Variants in THSD7A observed in about 807,000 individuals in gnomAD.
THSD7A encodes the protein thrombospondin type 1 domain containing 7A, also known as thrombospondin type-1 domain-containing protein 7A.
In THSD7A, 96 loss-of-function variants were observed where a neutral mutation model predicts 231.3. That is an observed-to-expected ratio of 0.41 (90% confidence interval 0.35 to 0.49). The LOEUF is 0.49. Ranked by LOEUF, THSD7A falls within the 20% of genes least tolerant of loss-of-function variation. THSD7A has a pLI of 0.05. For missense variants in THSD7A, 2,290 were observed against 2,070.2 expected (o/e 1.11, Z -2.06); for synonymous variants, 940 against 743.3 (o/e 1.26, Z -4.30).
At chr7:11,616,688 A>G (rs1308401459) in intron 2 of THSD7A, among the ~76,000 whole-genome samples, 6 of 152,006 alleles carry the variant, frequency 3.9e-5, no homozygotes, top group Admixed American at 3.9e-4. Context: ...GCCCTTCCTT[A>G]GCTCTCCCCA....
chr7:11,379,481 G>C, intron 25 of THSD7A, 149 bp downstream of exon 25: 1 of 881,420 alleles, frequency 1.1e-6, no homozygotes, highest in South Asian at 1.8e-5. Context: ...AGTGAAGTCA[G>C]GACTTTTTAG....
intron 26 of THSD7A, chr7:11,378,238 G>T (rs1782358598): frequency 6.6e-6 from 1 of 152,162 alleles, no homozygotes. Flanking sequence ...GCCTGGCTCT[G>T]CCTGGAGATT....
chr7:11,544,211 G>T (rs750351448), intron 4 of THSD7A, among the ~76,000 whole-genome samples: 1 of 152,066 alleles, frequency 6.6e-6, no homozygotes, highest in South Asian at 2.1e-4. Flanking sequence ...GCGTGGTGGT[G>T]CACACCTGTA....
chr7:11,397,331 A>G (rs1278091431), intron 23 of THSD7A, among the ~76,000 whole-genome samples: 3 of 152,212 alleles, frequency 2.0e-5, no homozygotes, highest in African/African-American at 7.2e-5. Flanking sequence ...TATTTAATAA[A>G]TGGTGTCGGG....
At chr7:11,516,231 A>G (rs1562676192) in intron 6 of THSD7A, among the ~76,000 whole-genome samples, 1 of 152,224 alleles carries the variant, frequency 6.6e-6, no homozygotes, top group South Asian at 2.1e-4. Flanking sequence ...AATTGCCCTC[A>G]TAAAATACAT....
intron 13 of THSD7A, among the ~76,000 whole-genome samples, chr7:11,443,851 C>A (rs1784879228): frequency 6.6e-6 from 1 of 151,986 alleles, no homozygotes; most frequent in Admixed American, 6.6e-5. Flanking sequence ...TTTATCATTT[C>A]TTTGCATATC....
At position 11,637,086 on chromosome 7, in the gene THSD7A, T is replaced by C. The variant is rs532765792; in HGVS notation, c.191-125A>G. The C allele has an allele frequency of 3.6e-6, 3 of 844,068 alleles. No homozygotes were observed. The highest frequency in any genetic ancestry group is 5.4e-6 in the Non-Finnish European group (3 of 553,936). The allele number at this position is 844,068 out of a possible 1,614,324, so 52.3% of individuals were successfully genotyped here. ...TCCCTGCGGTGTTACAAAGTAGGTCTCTGGACACGACTGTTGGAAAGTAAT... is the reference window on the plus strand; with the variant it reads ...TCCCTGCGGTGTTACAAAGTAGGTCCCTGGACACGACTGTTGGAAAGTAAT... On this transcript the variant is annotated intron_variant, in intron 1 of 27. Transcript: ENST00000423059. This position sits in a 1 kb window ranked among gnomAD's most constrained non-coding sequence, Gnocchi z 4.2.
At chr7:11,507,364 G>C (rs1787589073) in intron 6 of THSD7A, among the ~76,000 whole-genome samples, 2 of 152,048 alleles carry the variant, frequency 1.3e-5, no homozygotes, top group Non-Finnish European at 2.9e-5. Flanking sequence ...AAAAGAAAGT[G>C]CTTTAGTGAC....
At chr7:11,581,701 AT>A (rs570607178) in intron 4 of THSD7A, among the ~76,000 whole-genome samples, 1,957 of 151,238 alleles carry the variant, frequency 0.013, 20 homozygotes, top group Non-Finnish European at 0.018. Context: ...AATTCTGGGC[AT>A]TTTTTTTTAT....
rs760903619 is a variant in THSD7A at position 11,424,869 on chromosome 7, G to A, written c.3250-40C>T. 6.8e-6 allele frequency: 11 copies of A among 1,611,940 alleles called. No individual in the cohort carries two copies. In the South Asian group the frequency reaches 1.1e-4, roughly 16 times the overall value. On this transcript the variant is annotated intron_variant, in intron 15 of 27. Transcript: ENST00000423059. Reference sequence around the variant, plus strand: ...GTTCTCAGCAATCTCAGGGAATCTGGTAAGAGTGAGGAGGAAGACTTCCAC... The same window carrying A: ...GTTCTCAGCAATCTCAGGGAATCTGATAAGAGTGAGGAGGAAGACTTCCAC...
intron 1 of THSD7A, among the ~76,000 whole-genome samples, chr7:11,728,538 CT>C (rs755356314): frequency 8.8e-4 from 134 of 151,812 alleles, no homozygotes; most frequent in Non-Finnish European, 1.4e-3. Context: ...GGTAAAAACT[CT>C]CTTTATGCCA....
chr7:11,567,819 G>T (rs966132382), intron 4 of THSD7A, among the ~76,000 whole-genome samples: 14 of 152,058 alleles, frequency 9.2e-5, no homozygotes, highest in African/African-American at 2.9e-4. Flanking sequence ...CTCACTCCAC[G>T]TCTCCCAGTC....
At chr7:11,654,311 T>C (rs569800030) in intron 1 of THSD7A, among the ~76,000 whole-genome samples, 17 of 152,042 alleles carry the variant, frequency 1.1e-4, no homozygotes, top group Admixed American at 8.5e-4. Context: ...TTGATCAATG[T>C]TGAGTATTTC....
intron 1 of THSD7A, among the ~76,000 whole-genome samples, chr7:11,714,983 A>G (rs536506160): frequency 2.1e-4 from 32 of 151,528 alleles, no homozygotes; most frequent in Admixed American, 1.1e-3. Context: ...TGGGCTGTAC[A>G]TATTTGGCGA....
intron 6 of THSD7A, among the ~76,000 whole-genome samples, chr7:11,524,164 C>A (rs1423206077): frequency 6.6e-6 from 1 of 152,126 alleles, no homozygotes; most frequent in Non-Finnish European, 1.5e-5. Flanking sequence ...TTTCTTCTTA[C>A]ATGAATTGTA....
chr7:11,759,343 G>T (rs887363749), intron 1 of THSD7A, among the ~76,000 whole-genome samples: 12 of 152,162 alleles, frequency 7.9e-5, no homozygotes, highest in African/African-American at 2.6e-4. Flanking sequence ...TAAAAGGTAT[G>T]GTTGTTTAGA....
In THSD7A at chr7:11,603,453, T is replaced by G. The variant is rs922477327; in HGVS notation, c.1023-9951A>C. Among the ~76,000 whole-genome samples, 49 of 152,178 alleles carry G rather than the reference T, an allele frequency of 3.2e-4. No homozygotes were observed. The South Asian group carries it at 6.2e-3, about 19-fold the overall frequency. On this transcript the variant is annotated intron_variant, in intron 2 of 27. Coordinates refer to ENST00000423059, the MANE Select transcript of THSD7A (RefSeq NM_015204.3). ...TGGGACTGTAAACTAGTTCAACCAT[T>G]GTGGAAGTCAGTGTGGCGATTCCTC...
rs1275955685 is a variant in THSD7A at position 11,560,325 on chromosome 7, G to A, written c.1454-17208C>T. Among the ~76,000 whole-genome samples, 5 of 152,136 alleles carry A rather than the reference G, an allele frequency of 3.3e-5. No homozygotes were observed. The East Asian group carries it at 5.8e-4, about 18-fold the overall frequency. On this transcript the variant is annotated intron_variant, in intron 4 of 27. Transcript: ENST00000423059. ...CTTTCAGCTAGGCCTGATGCTTTTA[G>A]GGGCTGGCCTGGCACTCACACCTAT...
chr7:11,707,390 C>A (rs1780804195), intron 1 of THSD7A, among the ~76,000 whole-genome samples: 1 of 150,914 alleles, frequency 6.6e-6, no homozygotes. Context: ...ACCATGGCAT[C>A]CTGCCTAGTA....
Sources: allele counts gnomAD v4.1 joint callset (sites outside exome capture counted in the v4.1 genomes callset), GRCh38; gene constraint gnomAD v4.1.1; non-coding constraint Gnocchi (gnomAD v3.1); transcripts MANE v1.5; gene names NCBI Gene and HGNC (gene_info 2026-07-23, HGNC 2026-07-21).